Variants in SPTBN2 observed in about 807,000 individuals in gnomAD.
The protein encoded by SPTBN2 is spectrin beta, non-erythrocytic 2.
SPTBN2 carries 107 observed loss-of-function variants against 284.2 expected under a neutral mutation model. The ratio of observed to expected loss-of-function variants is 0.38; its 90% CI spans 0.32 to 0.44. The LOEUF (loss-of-function observed/expected upper bound fraction) is 0.44. Ranked by LOEUF, SPTBN2 falls within the 20% of genes least tolerant of loss-of-function variation. The pLI, the probability that SPTBN2 is intolerant of heterozygous loss-of-function variation, is 1.00. For missense variants in SPTBN2, 2,569 were observed against 3,287.1 expected (o/e 0.78, Z 5.34); for synonymous variants, 1,289 against 1,354.8 (o/e 0.95, Z 1.07).
chr11:66,683,919 T>G lies in SPTBN2; in HGVS notation c.*1952A>C, dbSNP rs1255209179. On this transcript the variant is annotated 3_prime_UTR_variant, in exon 38 of 38. Transcript: ENST00000533211. The stretch of plus-strand genomic sequence containing the variant: ...AAAGATGCTGTGTAGTGCTGATGGA[T>G]TCTTCCACTTAGTCCCATGACAGAT... Among the ~76,000 whole-genome samples the G allele has an allele frequency of 6.6e-6, 1 of 152,234 alleles. No homozygotes were observed. Among genetic ancestry groups the G allele is most frequent in the Non-Finnish European group, 1.5e-5 (1 of 68,044 alleles).
At chr11:66,733,876 G>C (rs980389398), upstream of SPTBN2, among the ~76,000 whole-genome samples, 11 of 151,884 alleles carry the variant, frequency 7.2e-5, no homozygotes, top group Non-Finnish European at 1.5e-5. Flanking sequence ...TACTCGGGAG[G>C]CTGAGGCAGG....
chr11:66,737,708 TAGAG>T (rs1942863557), intron 1 of SPTBN2, among the ~76,000 whole-genome samples: 1 of 152,088 alleles, frequency 6.6e-6, no homozygotes, highest in Non-Finnish European at 1.5e-5. Flanking sequence ...CTGCATGAAA[TAGAG>T]AGGTGAAGTA....
intron 1 of SPTBN2, among the ~76,000 whole-genome samples, chr11:66,726,927 G>T (rs571625707): frequency 6.6e-6 from 1 of 152,324 alleles, no homozygotes; most frequent in East Asian, 1.9e-4. Flanking sequence ...GCCCAGGGCA[G>T]AAGGAAGGAA....
At chr11:66,722,506 G>A (rs932127169) in intron 1 of SPTBN2, among the ~76,000 whole-genome samples, 3 of 150,756 alleles carry the variant, frequency 2.0e-5, no homozygotes, top group African/African-American at 7.4e-5. Flanking sequence ...AACCCAGGAG[G>A]CGGAGCTTGC....
intron 17 of SPTBN2, 49 bp from the exon 18 acceptor site, chr11:66,699,657 C>T (rs763112801): frequency 1.2e-6 from 2 of 1,604,506 alleles, no homozygotes; most frequent in African/African-American, 2.7e-5. Flanking sequence ...CACAATTCAC[C>T]CCCCTAGGAG....
At position 66,704,956 on chromosome 11, in the gene SPTBN2, C is replaced by T. The variant is rs1941450335; in HGVS notation, c.2320G>A (p.Glu774Lys). Reference protein sequence around the residue: ...VDALRLVSSPELGHDEFSTQA... With the variant: ...VDALRLVSSPKLGHDEFSTQA... ...GTGGAGAACTCGTCGTGCCCCAGCT[C>T]GGGGCTGGACACCAGGCGCAGTGCG... Residue 774 changes from glutamate to lysine, a missense_variant, in exon 15 of 38, where the codon GAG becomes AAG. Coordinates refer to ENST00000533211, the MANE Select transcript of SPTBN2 (RefSeq NM_006946.4). 1 of 1,609,846 alleles carries T rather than the reference C, an allele frequency of 6.2e-7. No individual in the cohort carries two copies. Among genetic ancestry groups the T allele is most frequent in the Non-Finnish European group, 8.5e-7 (1 of 1,179,890 alleles).
At chr11:66,727,726 C>T (rs1160891878) in intron 1 of SPTBN2, among the ~76,000 whole-genome samples, 7 of 151,994 alleles carry the variant, frequency 4.6e-5, no homozygotes, top group African/African-American at 1.4e-4. Context: ...GAGGAGCCCA[C>T]GCGGCTCCGG....
chr11:66,692,500 C>T (rs201607589), intron 26 of SPTBN2, 36 bp downstream of exon 26: 64 of 1,598,092 alleles, frequency 4.0e-5, no homozygotes, highest in Middle Eastern at 4.4e-4. Flanking sequence ...ACTCTTCCCA[C>T]GGTTGATCTG....
In SPTBN2 at chr11:66,700,617, CA is replaced by C; in HGVS notation, c.3481del (p.Trp1161GlyfsTer58). 2 of 1,608,252 alleles carry C rather than the reference CA, an allele frequency of 1.2e-6. No individual in the cohort carries two copies. Among genetic ancestry groups the C allele is most frequent in the Non-Finnish European group, 1.7e-6 (2 of 1,179,998 alleles). On this transcript the variant is annotated frameshift_variant, in exon 17 of 38. Transcript: ENST00000533211. LOFTEE classifies it high-confidence loss of function. This position sits in a 1 kb window ranked among gnomAD's most constrained non-coding sequence, Gnocchi z 6.6. ...GGCCAGGCGACCTTGCCGGCTCTCC[CA>C]CATTCGGCCCAGCTCCTCCCAGCCA... Reference protein sequence around the residue: ...GTGWEELGRMWESRQGRLAQA... With the variant: ...GTGWEELGRMXESRQGRLAQA...
In SPTBN2 at chr11:66,735,344, GA is replaced by G. The variant is rs558290439; in HGVS notation, c.-474-6153del. ...CAAGACACCGTCTCAAAAAAAAAAA[GA>G]AAAAAAAAAATTAAGGAGAAGGGGG... On this transcript the variant is annotated intron_variant, in intron 1 of 37. Coordinates refer to the SPTBN2 transcript ENST00000611817. Among the ~76,000 whole-genome samples, 482 of 144,092 alleles carry G rather than the reference GA, an allele frequency of 3.3e-3. 1 individual carries two copies. Among genetic ancestry groups the G allele is most frequent in the East Asian group, 6.4e-3 (32 of 4,970 alleles). The allele number at this position is 144,092 out of a possible 152,430, so 94.5% of individuals were successfully genotyped here.
At chr11:66,686,254 G>A (rs901517001) in intron 37 of SPTBN2, 144 bp downstream of exon 37, 13 of 1,372,256 alleles carry the variant, frequency 9.5e-6, no homozygotes, top group Middle Eastern at 1.8e-4. Flanking sequence ...CAGGGAGTGC[G>A]GCCTGGTGCG....
At chr11:66,722,524 C>G (rs1213346952) in intron 1 of SPTBN2, among the ~76,000 whole-genome samples, 1 of 144,314 alleles carries the variant, frequency 6.9e-6, no homozygotes, top group African/African-American at 2.6e-5. Flanking sequence ...TGCAGTGAGC[C>G]GAGATCTCGC....
rs1942749308 is a variant in SPTBN2 at position 66,729,175 on chromosome 11, AC to A, written c.-549del. 6.6e-6 allele frequency: 1 copy of A among 152,290 alleles called. No homozygotes were observed. Among genetic ancestry groups the A allele is most frequent in the South Asian group, 2.1e-4 (1 of 4,824 alleles). 9.4% of individuals were successfully genotyped at this position (152,290 alleles called of 1,614,324 possible). A position where few individuals can be genotyped will look rare whatever the true frequency, so the allele number is the denominator to read the frequency against. On this transcript the variant is annotated 5_prime_UTR_variant, in exon 1 of 38. Transcript: ENST00000533211. ...AGTGGTCTAAGGTCCAAGGTCCTTA[AC>A]CAAGGTGAACTGCTGCCTGCTTAGG...
At chr11:66,744,595 G>C (rs1351102479) in exon 1 of SPTBN2, 1 of 223,240 alleles carries the variant, frequency 4.5e-6, no homozygotes, top group South Asian at 1.7e-4. Flanking sequence ...CCTCCCACCT[G>C]CGGGCCCACT....
Position 66,708,793 on chromosome 11 carries a change from G to T in SPTBN2, c.1191+109C>A. The T allele has an allele frequency of 1.1e-6, 1 of 874,150 alleles. No homozygotes were observed. Among genetic ancestry groups the T allele is most frequent in the Non-Finnish European group, 1.9e-6 (1 of 533,614 alleles). The allele number at this position is 874,150 out of a possible 1,614,324, so 54.1% of individuals were successfully genotyped here. A position where few individuals can be genotyped will look rare whatever the true frequency, so the allele number is the denominator to read the frequency against. ...GCTCGAGTTTCAAGTTGGGGCAGCAGATAGTAGAACTTGGTGAAGGTCGAC... is the reference window on the plus strand; with the variant it reads ...GCTCGAGTTTCAAGTTGGGGCAGCATATAGTAGAACTTGGTGAAGGTCGAC... On this transcript the variant is annotated intron_variant, in intron 11 of 37. Transcript: ENST00000533211. The surrounding 1 kb of genome is among the most constrained non-coding windows in gnomAD (Gnocchi z 4.4).
intron 1 of SPTBN2, among the ~76,000 whole-genome samples, chr11:66,735,872 A>G (rs961589278): frequency 9.2e-5 from 14 of 152,208 alleles, no homozygotes; most frequent in Non-Finnish European, 1.6e-4. Flanking sequence ...TGAGAAATAA[A>G]GAAAATGACA....
chr11:66,721,359 G>T lies in SPTBN2; in HGVS notation c.-32C>A, dbSNP rs1286575476. On this transcript the variant is annotated 5_prime_UTR_variant, in exon 2 of 38. Coordinates refer to ENST00000533211, the MANE Select transcript of SPTBN2 (RefSeq NM_006946.4). Reference sequence around the variant, plus strand: ...TGTCTTCTTGCCCTACCTGTGCTCCGCTCTCCTTGTGGCCAGAGGCTGCGG... The same window carrying T: ...TGTCTTCTTGCCCTACCTGTGCTCCTCTCTCCTTGTGGCCAGAGGCTGCGG... 7.2e-7 allele frequency: 1 copy of T among 1,386,194 alleles called. No individual in the cohort carries two copies. Among genetic ancestry groups the T allele is most frequent in the South Asian group, 1.2e-5 (1 of 85,662 alleles). The allele number at this position is 1,386,194 out of a possible 1,614,324, so 85.9% of individuals were successfully genotyped here.
At chr11:66,723,048 C>T (rs1444096495) in intron 1 of SPTBN2, among the ~76,000 whole-genome samples, 2 of 152,194 alleles carry the variant, frequency 1.3e-5, no homozygotes, top group South Asian at 2.1e-4. Context: ...GTTCCTCAAC[C>T]GTCTTAGAGG....
At chr11:66,737,575 ACT>A (rs1304681432) in intron 1 of SPTBN2, among the ~76,000 whole-genome samples, 1 of 151,822 alleles carries the variant, frequency 6.6e-6, no homozygotes, top group Admixed American at 6.6e-5. Flanking sequence ...ATAATGAAAA[ACT>A]CTCTACAAAA....
Sources: allele counts gnomAD v4.1 joint callset (sites outside exome capture counted in the v4.1 genomes callset), GRCh38; gene constraint gnomAD v4.1.1; non-coding constraint Gnocchi (gnomAD v3.1); transcripts MANE v1.5; gene names NCBI Gene and HGNC (gene_info 2026-07-23, HGNC 2026-07-21).